The following LOXHD1 variants were observed in gnomAD, a reference collection of about 807,000 sequenced individuals.
The protein encoded by LOXHD1 is lipoxygenase homology domain-containing protein 1.
Under a neutral mutation model 248.2 loss-of-function variants are expected in LOXHD1, and 205 were observed. That is an observed-to-expected ratio of 0.83 (90% confidence interval 0.74 to 0.93). The LOEUF (loss-of-function observed/expected upper bound fraction) is 0.93. Among genes scored for constraint, LOXHD1 ranks in the 40% least tolerant of loss-of-function variants. The pLI is 0.00. For missense variants in LOXHD1, 2,930 were observed against 2,971.6 expected (o/e 0.99, Z 0.33); for synonymous variants, 1,113 against 1,162.8 (o/e 0.96, Z 0.87).
intron 34 of LOXHD1, among the ~76,000 whole-genome samples, chr18:46,510,913 T>C (rs1743646077): frequency 6.6e-6 from 1 of 152,254 alleles, no homozygotes; most frequent in African/African-American, 2.4e-5. Flanking sequence ...GAGGTGCTCA[T>C]GTCACATTCA....
At chr18:46,560,049 C>CCCA in intron 19 of LOXHD1, 34 bp downstream of exon 19, 1 of 555,558 alleles carries the variant, frequency 1.8e-6, no homozygotes, top group Non-Finnish European at 3.3e-6. Flanking sequence ...TCTGGCCACT[C>CCCA]CCTCCCCACC....
chr18:46,577,981 T>C, intron 13 of LOXHD1, 114 bp from the exon 14 acceptor site: 1 of 1,120,998 alleles, frequency 8.9e-7, no homozygotes, highest in Non-Finnish European at 1.3e-6. Context: ...GTTAGGCAAC[T>C]CCTCTTTCAC....
chr18:46,587,892 T>A (rs1165508539), intron 12 of LOXHD1, among the ~76,000 whole-genome samples: 2 of 152,176 alleles, frequency 1.3e-5, no homozygotes, highest in Non-Finnish European at 2.9e-5. Context: ...ATCAGAACAA[T>A]CACTCCCAAA....
At chr18:46,647,051 T>G (rs2039039939) in intron 2 of LOXHD1, among the ~76,000 whole-genome samples, 1 of 152,234 alleles carries the variant, frequency 6.6e-6, no homozygotes, top group African/African-American at 2.4e-5. Context: ...GCCAGACCTA[T>G]GCTCTTGCTG....
chr18:46,500,426 A>G (rs1424044621), intron 37 of LOXHD1, among the ~76,000 whole-genome samples: 1 of 152,152 alleles, frequency 6.6e-6, no homozygotes, highest in African/African-American at 2.4e-5. Flanking sequence ...TCTCAGGCAA[A>G]CCTTTAACAA....
intron 12 of LOXHD1, among the ~76,000 whole-genome samples, chr18:46,591,520 A>G (rs1041127040): frequency 3.3e-5 from 5 of 152,240 alleles, no homozygotes; most frequent in African/African-American, 1.2e-4. Context: ...AATTAGAGAT[A>G]GAATACTTAT....
chr18:46,485,052 A>G lies in LOXHD1; in HGVS notation c.6149T>C (p.Met2050Thr), dbSNP rs2032926801. The change falls in exon 39 of 41, where the codon ATG becomes ACG. Residue 2050 changes from methionine (M) to threonine (T), a missense_variant. By Grantham distance (81) the Met-to-Thr change is moderately conservative (BLOSUM62 -1). Coordinates refer to ENST00000642948, the MANE Select transcript of LOXHD1 (RefSeq NM_001384474.1). Reference protein sequence around the residue: ...GRKNRSKEFLMENSSRQRAFR... With the variant: ...GRKNRSKEFLTENSSRQRAFR... ...GGCCCGCTGCCTAGAAGAATTTTCC[A>G]TGAGAAACTCTTTGGATCGGTTCTT... is the stretch of plus-strand genomic sequence containing the variant. 1 of 1,550,160 alleles carries G rather than the reference A, an allele frequency of 6.5e-7. No individual in the cohort carries two copies. The highest frequency in any genetic ancestry group is 2.4e-5 in the East Asian group (1 of 40,856).
intron 33 of LOXHD1, chr18:46,520,447 C>T (rs2035519698): frequency 2.6e-6 from 1 of 377,916 alleles, no homozygotes; most frequent in Non-Finnish European, 5.3e-6. Context: ...TTCTGGGCCA[C>T]CAAATGGCTG....
intron 4 of LOXHD1, among the ~76,000 whole-genome samples, chr18:46,624,331 T>C (rs1245709975): frequency 6.6e-6 from 1 of 151,924 alleles, no homozygotes; most frequent in East Asian, 1.9e-4. Context: ...GGGGCTGCCC[T>C]GGGGGTGGGA....
At chr18:46,629,623 T>C (rs1053325049) in intron 4 of LOXHD1, among the ~76,000 whole-genome samples, 4 of 151,838 alleles carry the variant, frequency 2.6e-5, no homozygotes, top group African/African-American at 7.3e-5. Context: ...TGTGTGATAA[T>C]CATTGTGTGG....
At chr18:46,633,688 C>T (rs146872951) in intron 4 of LOXHD1, among the ~76,000 whole-genome samples, 7 of 152,192 alleles carry the variant, frequency 4.6e-5, no homozygotes, top group East Asian at 1.9e-4. Flanking sequence ...GACAACTCAT[C>T]GAATGGGAGA....
intron 8 of LOXHD1, among the ~76,000 whole-genome samples, chr18:46,597,123 G>A (rs186638883): frequency 6.6e-6 from 1 of 151,956 alleles, no homozygotes; most frequent in African/African-American, 2.4e-5. Context: ...TAAAATACTA[G>A]GCAAAAAAAT....
chr18:46,555,328 T>G (rs939372509), intron 21 of LOXHD1: 13 of 385,516 alleles, frequency 3.4e-5, no homozygotes, highest in African/African-American at 2.7e-4. Context: ...GGTGACCTGA[T>G]GAGTTTCTGG....
chr18:46,647,827 G>A (rs2039052000), intron 2 of LOXHD1, among the ~76,000 whole-genome samples: 1 of 152,188 alleles, frequency 6.6e-6, no homozygotes, highest in African/African-American at 2.4e-5. Flanking sequence ...GGAAGTGGCA[G>A]GTCATTAACC....
intron 26 of LOXHD1, among the ~76,000 whole-genome samples, chr18:46,536,703 C>A (rs2036326230): frequency 6.6e-6 from 1 of 152,118 alleles, no homozygotes; most frequent in African/African-American, 2.4e-5. Context: ...TAATGAATCA[C>A]CCTTAAATTT....
intron 12 of LOXHD1, among the ~76,000 whole-genome samples, chr18:46,590,914 T>G (rs2038155635): frequency 6.6e-6 from 1 of 152,080 alleles, no homozygotes; most frequent in African/African-American, 2.4e-5. Context: ...AACCATAAAA[T>G]AAAAGAAACA....
intron 6 of LOXHD1, among the ~76,000 whole-genome samples, chr18:46,609,134 T>C (rs1168400589): frequency 6.6e-6 from 1 of 152,220 alleles, no homozygotes; most frequent in Non-Finnish European, 1.5e-5. Context: ...TCTCCCCCTC[T>C]TTCTGTCTGG....
At chr18:46,551,103 TTTC>T (rs952460118) in intron 21 of LOXHD1, among the ~76,000 whole-genome samples, 5 of 151,312 alleles carry the variant, frequency 3.3e-5, no homozygotes, top group African/African-American at 9.8e-5. Flanking sequence ...TTTCTTTTCT[TTTC>T]TTTTTTTTTT....
intron 16 of LOXHD1, 41 bp from the exon 17 acceptor site, chr18:46,566,490 G>T: frequency 6.6e-7 from 1 of 1,518,670 alleles, no homozygotes; most frequent in South Asian, 1.2e-5. Context: ...GAGCCAGTGT[G>T]TAGAAACCTC....
Sources: allele counts gnomAD v4.1 joint callset (sites outside exome capture counted in the v4.1 genomes callset), GRCh38; gene constraint gnomAD v4.1.1; transcripts MANE v1.5; gene names NCBI Gene and HGNC (gene_info 2026-07-23, HGNC 2026-07-21).